The following GALNTL6 variants were observed in gnomAD, a reference collection of about 807,000 sequenced individuals.
GALNTL6 encodes polypeptide N-acetylgalactosaminyltransferase-like 6.
GALNTL6 carries 46 observed loss-of-function variants against 73.7 expected under a neutral mutation model. The ratio of observed to expected loss-of-function variants is 0.62; its 90% confidence interval spans 0.49 to 0.80. GALNTL6 has a LOEUF of 0.80. Ranked by LOEUF, GALNTL6 falls within the 30% of genes least tolerant of loss-of-function variation. The pLI is 0.00. For synonymous variants in GALNTL6, 259 were observed against 263.7 expected (o/e 0.98, Z 0.17); for missense variants, 604 against 755.0 (o/e 0.80, Z 2.34).
intron 2 of GALNTL6, among the ~76,000 whole-genome samples, chr4:172,018,847 C>A (rs1212822698): frequency 6.6e-6 from 1 of 152,098 alleles, no homozygotes; most frequent in African/African-American, 2.4e-5. Context: ...TTCCTGAGGG[C>A]CCCTGTGAGA....
intron 2 of GALNTL6, among the ~76,000 whole-genome samples, chr4:172,023,408 G>T (rs1741461734): frequency 6.6e-6 from 1 of 151,532 alleles, no homozygotes. Flanking sequence ...GTATAAAAAA[G>T]TAAAAACCTT....
chr4:172,158,946 A>G (rs1734368715), intron 2 of GALNTL6, among the ~76,000 whole-genome samples: 1 of 152,268 alleles, frequency 6.6e-6, no homozygotes, highest in African/African-American at 2.4e-5. Context: ...GATCACCTTC[A>G]GTAAACTATT....
intron 7 of GALNTL6, among the ~76,000 whole-genome samples, chr4:172,872,079 C>A (rs1159332712): frequency 6.6e-6 from 1 of 152,170 alleles, no homozygotes; most frequent in Non-Finnish European, 1.5e-5. Flanking sequence ...AGGCGTGAGC[C>A]ACTGTGCCCA....
intron 7 of GALNTL6, among the ~76,000 whole-genome samples, chr4:172,858,803 A>G (rs1033746265): frequency 6.6e-6 from 1 of 152,182 alleles, no homozygotes; most frequent in South Asian, 2.1e-4. Context: ...TCAAAGATGA[A>G]CAACCAGATA....
intron 2 of GALNTL6, among the ~76,000 whole-genome samples, chr4:171,957,112 T>C (rs1739075383): frequency 6.6e-6 from 1 of 152,204 alleles, no homozygotes; most frequent in Admixed American, 6.5e-5. Flanking sequence ...TCAGGTCTGT[T>C]AAAAGTAGTT....
intron 2 of GALNTL6, among the ~76,000 whole-genome samples, chr4:171,993,544 A>G (rs902581358): frequency 2.0e-5 from 3 of 152,136 alleles, no homozygotes; most frequent in Non-Finnish European, 4.4e-5. Context: ...CAATAGATCA[A>G]TTCTGTTCTT....
At chr4:172,146,093 A>T (rs986495588) in intron 2 of GALNTL6, among the ~76,000 whole-genome samples, 3 of 152,194 alleles carry the variant, frequency 2.0e-5, no homozygotes, top group Non-Finnish European at 4.4e-5. Context: ...TCTTTCTCAT[A>T]GGAGTTTTTA....
chr4:171,984,681 G>C (rs1046342629), intron 2 of GALNTL6, among the ~76,000 whole-genome samples: 1 of 152,158 alleles, frequency 6.6e-6, no homozygotes, highest in Non-Finnish European at 1.5e-5. Flanking sequence ...AAAGAGCTAA[G>C]TAGGAAGCAG....
intron 5 of GALNTL6, among the ~76,000 whole-genome samples, chr4:172,762,237 T>G (rs1387695343): frequency 6.6e-6 from 1 of 152,216 alleles, no homozygotes; most frequent in Non-Finnish European, 1.5e-5. Context: ...CTCATTCAAC[T>G]GCAGAGGTAC....
intron 2 of GALNTL6, among the ~76,000 whole-genome samples, chr4:172,121,256 ATTGTGT>A (rs1733142008): frequency 1.3e-5 from 1 of 75,128 alleles, no homozygotes; most frequent in Admixed American, 1.5e-4. Context: ...CTCAAGAAGC[ATTGTGT>A]GTGTGTGTGT....
chr4:172,005,954 C>G (rs17057866), intron 2 of GALNTL6, among the ~76,000 whole-genome samples: 1,920 of 152,252 alleles, frequency 0.013, 30 homozygotes, highest in East Asian at 0.037. Context: ...AGATGCACAT[C>G]TCTGAAAAAT....
chr4:171,935,050 T>C (rs1030833619), intron 2 of GALNTL6, among the ~76,000 whole-genome samples: 5 of 152,182 alleles, frequency 3.3e-5, no homozygotes, highest in African/African-American at 1.2e-4. Context: ...CTTTCATGCA[T>C]GGGAGAGAAA....
intron 2 of GALNTL6, among the ~76,000 whole-genome samples, chr4:171,931,704 G>A (rs1005733978): frequency 6.6e-5 from 10 of 152,100 alleles, no homozygotes; most frequent in Admixed American, 6.5e-4. Context: ...TCAACTAGAT[G>A]TTATAACATG....
intron 2 of GALNTL6, among the ~76,000 whole-genome samples, chr4:171,832,888 C>G (rs1735015759): frequency 6.6e-6 from 1 of 151,760 alleles, no homozygotes; most frequent in African/African-American, 2.4e-5. Context: ...AATAAGCTTC[C>G]AAGTCCTTCC....
chr4:172,706,721 C>T (rs745828139), intron 5 of GALNTL6, among the ~76,000 whole-genome samples: 2 of 152,112 alleles, frequency 1.3e-5, no homozygotes, highest in Non-Finnish European at 2.9e-5. Context: ...CTGCACATCT[C>T]AGACTGCGGG....
At chr4:171,933,486 A>T (rs1046017675) in intron 2 of GALNTL6, among the ~76,000 whole-genome samples, 12 of 152,200 alleles carry the variant, frequency 7.9e-5, no homozygotes, top group African/African-American at 2.9e-4. Context: ...AAGTATCTAT[A>T]AATGAGAAAT....
At chr4:172,322,678 C>T (rs1012142265) in intron 4 of GALNTL6, among the ~76,000 whole-genome samples, 1 of 151,974 alleles carries the variant, frequency 6.6e-6, no homozygotes, top group East Asian at 1.9e-4. Context: ...ACAACCAAAT[C>T]TCGTGAGAAT....
At chr4:172,529,041 T>C (rs1201169854) in intron 5 of GALNTL6, among the ~76,000 whole-genome samples, 2 of 136,528 alleles carry the variant, frequency 1.5e-5, no homozygotes, top group African/African-American at 5.3e-5. Context: ...ATATATCAAG[T>C]AGCAGTACAA....
rs1481685660 is a variant in GALNTL6 at position 172,790,780 on chromosome 4, G to A, written c.554-18581G>A. Among the ~76,000 whole-genome samples the A allele has an allele frequency of 4.0e-5, 6 of 151,728 alleles. No individual in the cohort carries two copies. The East Asian group carries it at 1.2e-3, about 29-fold the overall frequency. On this transcript the variant is annotated intron_variant, in intron 5 of 12. Coordinates refer to ENST00000506823, the MANE Select transcript of GALNTL6 (RefSeq NM_001034845.3). The stretch of plus-strand genomic sequence containing the variant: ...ATGGTGATGTGCACCTGTAATCCCA[G>A]CTACTCAGAGGCTGAGGCAGGAGAA...
Sources: allele counts gnomAD v4.1 joint callset (sites outside exome capture counted in the v4.1 genomes callset), GRCh38; gene constraint gnomAD v4.1.1; transcripts MANE v1.5; gene names NCBI Gene and HGNC (gene_info 2026-07-23, HGNC 2026-07-21).